EEF1AKMT1: variants seen among roughly 807,000 people sequenced by gnomAD.
EEF1AKMT1 encodes the protein EEF1A lysine methyltransferase 1.
In EEF1AKMT1, 18 loss-of-function variants were observed where a neutral mutation model predicts 21.0. The ratio of observed to expected loss-of-function variants is 0.86; its 90% CI spans 0.59 to 1.27. The LOEUF is 1.27. EEF1AKMT1 is among the 50% of genes most tolerant of loss of function. The pLI is 0.00. For synonymous variants in EEF1AKMT1, 109 were observed against 94.8 expected (o/e 1.15, Z -0.87); for missense variants, 246 against 258.6 (o/e 0.95, Z 0.33).
Position 20,729,147 on chromosome 13 carries a change from G to A in EEF1AKMT1, c.578C>T (p.Thr193Ile), listed in dbSNP as rs11549810. 5 of 1,614,154 alleles carry A rather than the reference G, an allele frequency of 3.1e-6. No individual in the cohort carries two copies. Among genetic ancestry groups the A allele is most frequent in the Non-Finnish European group, 3.4e-6 (4 of 1,180,024 alleles). Residue 193 changes from threonine (T) to isoleucine (I), a missense_variant, in exon 5 of 5, where the codon ACC becomes ATC. Transcript: ENST00000382758. ...GCGAAACTCATTTGCCAAGTTCCGG[G>A]TGTGTCTTGGAACAAACGTGCACAT... Reference protein sequence around the residue: ...VKMCTFVPRHTRNLANEFRCY... With the variant: ...VKMCTFVPRHIRNLANEFRCY...
At chr13:20,773,381 G>A (rs975301047) in intron 1 of EEF1AKMT1, among the ~76,000 whole-genome samples, 1 of 152,112 alleles carries the variant, frequency 6.6e-6, no homozygotes, top group Non-Finnish European at 1.5e-5. Context: ...AAAGCCGCCC[G>A]CGTCCTAGTC....
At chr13:20,754,081 AGT>A (rs1476566706) in intron 2 of EEF1AKMT1, among the ~76,000 whole-genome samples, 1 of 151,810 alleles carries the variant, frequency 6.6e-6, no homozygotes, top group Non-Finnish European at 1.5e-5. Context: ...TTTATACTTT[AGT>A]GTATTTCCAT....
intron 2 of EEF1AKMT1, among the ~76,000 whole-genome samples, chr13:20,753,172 T>G (rs1251611704): frequency 2.6e-5 from 4 of 152,186 alleles, no homozygotes; most frequent in Non-Finnish European, 2.9e-5. Flanking sequence ...TTTTTGGACT[T>G]CCTCTTTAAT....
At chr13:20,731,535 G>T (rs2058795676) in intron 4 of EEF1AKMT1, among the ~76,000 whole-genome samples, 1 of 152,148 alleles carries the variant, frequency 6.6e-6, no homozygotes, top group Non-Finnish European at 1.5e-5. Flanking sequence ...TTTGATAAAG[G>T]GTAGAGGCTG....
chr13:20,737,343 G>A (rs2058831577), intron 3 of EEF1AKMT1, among the ~76,000 whole-genome samples: 1 of 152,090 alleles, frequency 6.6e-6, no homozygotes, highest in Admixed American at 6.6e-5. Context: ...TCCAGCCTGG[G>A]CAACAGAGTG....
intron 1 of EEF1AKMT1, among the ~76,000 whole-genome samples, chr13:20,773,284 G>T (rs992026475): frequency 4.3e-4 from 66 of 152,168 alleles, no homozygotes; most frequent in African/African-American, 1.5e-3. Context: ...AGGCCTTCCT[G>T]TCTGACATGT....
At chr13:20,736,728 T>C (rs1223569808) in intron 3 of EEF1AKMT1, among the ~76,000 whole-genome samples, 3 of 138,450 alleles carry the variant, frequency 2.2e-5, no homozygotes, top group Non-Finnish European at 4.5e-5. Flanking sequence ...TTTAGAACCA[T>C]TTGACTTTTT....
chr13:20,732,054 T>A lies in EEF1AKMT1; in HGVS notation c.295A>T (p.Ile99Leu). The change falls in exon 4 of 5, where the codon ATA (isoleucine) becomes TTA (leucine). Residue 99 changes from isoleucine to leucine, a missense_variant. Ile to Leu is a conservative substitution (Grantham distance 5). Transcript: ENST00000382758. ...LRELCRENFS[I>L]YIFEYDKRFA... ...CTTTTGTCATATTCAAAGATGTATATCGAAAAGTTTTCTCTGCACAGCTCT... is the reference window on the plus strand; with the variant it reads ...CTTTTGTCATATTCAAAGATGTATAACGAAAAGTTTTCTCTGCACAGCTCT... 6.2e-7 allele frequency: 1 copy of A among 1,614,170 alleles called. No homozygotes were observed. Among genetic ancestry groups the A allele is most frequent in the Non-Finnish European group, 8.5e-7 (1 of 1,180,040 alleles).
At chr13:20,749,195 T>C (rs368580022) in intron 2 of EEF1AKMT1, among the ~76,000 whole-genome samples, 10 of 152,214 alleles carry the variant, frequency 6.6e-5, no homozygotes, top group African/African-American at 2.2e-4. Flanking sequence ...TTAGTTTATA[T>C]TTATCCCTAA....
intron 3 of EEF1AKMT1, among the ~76,000 whole-genome samples, chr13:20,737,449 A>T (rs1371481629): frequency 6.6e-6 from 1 of 152,240 alleles, no homozygotes; most frequent in African/African-American, 2.4e-5. Context: ...CAAAAAGGTA[A>T]GATATTCTCT....
intron 2 of EEF1AKMT1, among the ~76,000 whole-genome samples, chr13:20,755,544 C>T (rs1340373987): frequency 2.0e-5 from 3 of 152,202 alleles, no homozygotes; most frequent in Admixed American, 6.5e-5. Flanking sequence ...CTCCAGGATC[C>T]TAATTGATCC....
At chr13:20,747,355 G>A (rs1444883947) in intron 2 of EEF1AKMT1, 9 of 235,820 alleles carry the variant, frequency 3.8e-5, no homozygotes, top group South Asian at 2.3e-4. Context: ...GGAAGAGAAC[G>A]GATTTTGCCT....
In EEF1AKMT1 at chr13:20,731,824, T is replaced by C. The variant is rs542049732; in HGVS notation, c.508+17A>G. 6.2e-7 allele frequency: 1 copy of C among 1,600,108 alleles called. No homozygotes were observed. The highest frequency in any genetic ancestry group is 1.3e-5 in the African/African-American group (1 of 74,668). On this transcript the variant is annotated intron_variant, in intron 4 of 4. Transcript: ENST00000382758. ...CACTGTCAGTGACTTTGATGAGATA[T>C]GAAATGCAGCACCTACCTGTGCACA...
intron 1 of EEF1AKMT1, among the ~76,000 whole-genome samples, chr13:20,768,679 ATTGGACACCTCAATCTT>A (rs538744898): frequency 1.0e-3 from 157 of 152,118 alleles, no homozygotes; most frequent in Non-Finnish European, 2.1e-3. Context: ...AAGCCAAAAG[ATTGGACACCTCAATCTT>A]TTGAAGGGTC....
At chr13:20,753,369 G>C (rs2058953503) in intron 2 of EEF1AKMT1, among the ~76,000 whole-genome samples, 2 of 152,174 alleles carry the variant, frequency 1.3e-5, no homozygotes, top group South Asian at 4.1e-4. Flanking sequence ...TGGAACTGGA[G>C]AAGGTTCCAT....
At chr13:20,733,914 C>A (rs1283574595) in intron 3 of EEF1AKMT1, among the ~76,000 whole-genome samples, 1 of 152,226 alleles carries the variant, frequency 6.6e-6, no homozygotes, top group Non-Finnish European at 1.5e-5. Context: ...CTTAGGTACC[C>A]ATGCCGGGCT....
At chr13:20,730,973 C>A (rs985388948) in intron 4 of EEF1AKMT1, among the ~76,000 whole-genome samples, 38 of 152,224 alleles carry the variant, frequency 2.5e-4, no homozygotes, top group African/African-American at 8.9e-4. Context: ...TCTGCCGCTT[C>A]TTTCCTGAAG....
intron 1 of EEF1AKMT1, among the ~76,000 whole-genome samples, chr13:20,765,037 G>A (rs1006019150): frequency 6.6e-6 from 1 of 151,868 alleles, no homozygotes; most frequent in African/African-American, 2.4e-5. Flanking sequence ...TGAGGCGGGT[G>A]GATCACGAGG....
intron 1 of EEF1AKMT1, among the ~76,000 whole-genome samples, chr13:20,757,851 C>T (rs1212665470): frequency 6.6e-6 from 1 of 152,148 alleles, no homozygotes; most frequent in East Asian, 1.9e-4. Context: ...TTATACTCTC[C>T]TTCCTTTGTA....
Sources: gnomAD v4.1 joint callset for allele counts (sites outside exome capture counted in the v4.1 genomes callset) on GRCh38, gnomAD v4.1.1 for gene constraint, MANE v1.5 for transcripts, NCBI Gene and HGNC (gene_info 2026-07-23, HGNC 2026-07-21) for gene names.